Variants in GRIP1 observed in about 807,000 individuals in gnomAD.
GRIP1 encodes the protein glutamate receptor-interacting protein 1.
A neutral mutation model predicts 129.9 loss-of-function variants in GRIP1; 45 were observed. That is an observed-to-expected ratio of 0.35 (90% CI 0.27 to 0.44). GRIP1 has a LOEUF of 0.44. Among genes scored for constraint, GRIP1 ranks in the 20% least tolerant of loss-of-function variants. The pLI is 1.00. For missense variants in GRIP1, 1,196 were observed against 1,396.8 expected (o/e 0.86, Z 2.29); for synonymous variants, 530 against 520.8 (o/e 1.02, Z -0.24).
chr12:66,607,216 T>C (rs1036841121), intron 1 of GRIP1, among the ~76,000 whole-genome samples: 1 of 152,194 alleles, frequency 6.6e-6, no homozygotes, highest in Non-Finnish European at 1.5e-5. Context: ...CATCACTTCT[T>C]CATCATGAAT....
At chr12:66,448,990 G>A (rs2138155592) in intron 11 of GRIP1, among the ~76,000 whole-genome samples, 1 of 152,226 alleles carries the variant, frequency 6.6e-6, no homozygotes, top group South Asian at 2.1e-4. Context: ...CATGTGCCAT[G>A]TGCCCCAACC....
chr12:66,399,486 A>C (rs1457880239), intron 16 of GRIP1, among the ~76,000 whole-genome samples: 1 of 151,980 alleles, frequency 6.6e-6, no homozygotes, highest in Non-Finnish European at 1.5e-5. Context: ...TAAGTTTCAA[A>C]GTGAGCCTAA....
chr12:67,068,319 A>G (rs1196439125), intron 1 of GRIP1, among the ~76,000 whole-genome samples: 1 of 152,236 alleles, frequency 6.6e-6, no homozygotes, highest in African/African-American at 2.4e-5. Flanking sequence ...GGCACCAGGC[A>G]GAGAGCCGCC....
intron 1 of GRIP1, among the ~76,000 whole-genome samples, chr12:67,050,221 C>T (rs142122238): frequency 3.9e-5 from 6 of 152,060 alleles, no homozygotes; most frequent in African/African-American, 4.8e-5. Flanking sequence ...TAAATCTTCA[C>T]GCAACTTATC....
intron 1 of GRIP1, among the ~76,000 whole-genome samples, chr12:66,870,461 C>A (rs988000795): frequency 5.3e-5 from 8 of 152,214 alleles, no homozygotes; most frequent in Admixed American, 3.9e-4. Context: ...TGTTTCTCCA[C>A]AGAACATCCC....
chr12:66,636,715 C>CTGTGTGTGTGTGTGTGTG (rs113361426), intron 1 of GRIP1, among the ~76,000 whole-genome samples: 7 of 145,108 alleles, frequency 4.8e-5, no homozygotes, highest in African/African-American at 1.8e-4. Flanking sequence ...CATTAGATCT[C>CTGTGTGTGTGTGTGTGTG]TGTGTGTGTG....
chr12:66,795,114 C>T (rs1168640288), intron 1 of GRIP1, among the ~76,000 whole-genome samples: 1 of 152,180 alleles, frequency 6.6e-6, no homozygotes, highest in Non-Finnish European at 1.5e-5. Flanking sequence ...CTTCAAAATA[C>T]TTGCAGAAGT....
At chr12:66,731,639 A>C (rs1040089047) in intron 1 of GRIP1, among the ~76,000 whole-genome samples, 4 of 152,226 alleles carry the variant, frequency 2.6e-5, no homozygotes, top group Non-Finnish European at 5.9e-5. Context: ...GTCAAATACT[A>C]TGGTAGACAA....
At chr12:66,384,455 T>C (rs925477623) in intron 19 of GRIP1, among the ~76,000 whole-genome samples, 5 of 152,204 alleles carry the variant, frequency 3.3e-5, no homozygotes, top group African/African-American at 1.2e-4. Context: ...GTATGTGTAC[T>C]AAAAGGTACT....
chr12:66,648,260 T>C (rs1272098522), intron 1 of GRIP1, among the ~76,000 whole-genome samples: 1 of 152,206 alleles, frequency 6.6e-6, no homozygotes, highest in Non-Finnish European at 1.5e-5. Flanking sequence ...TGTTAAATGT[T>C]TTGAATATCA....
intron 1 of GRIP1, among the ~76,000 whole-genome samples, chr12:66,628,685 GACA>G (rs2030389383): frequency 6.6e-6 from 1 of 152,180 alleles, no homozygotes; most frequent in African/African-American, 2.4e-5. Context: ...GAGATTATGT[GACA>G]ACATCTGGAG....
At chr12:66,965,317 C>A (rs1347491662) in intron 1 of GRIP1, among the ~76,000 whole-genome samples, 3 of 152,020 alleles carry the variant, frequency 2.0e-5, no homozygotes, top group Non-Finnish European at 4.4e-5. Flanking sequence ...TACTTAAGCT[C>A]TCTGATTACT....
chr12:66,423,013 G>T (rs941739383), intron 14 of GRIP1, among the ~76,000 whole-genome samples: 1 of 152,154 alleles, frequency 6.6e-6, no homozygotes, highest in African/African-American at 2.4e-5. Context: ...AACCAAGCAT[G>T]CTTTGCTTGG....
At chr12:66,355,602 T>C (rs967843475) in intron 23 of GRIP1, among the ~76,000 whole-genome samples, 1 of 152,000 alleles carries the variant, frequency 6.6e-6, no homozygotes, top group Non-Finnish European at 1.5e-5. Context: ...TGGTGATGCT[T>C]AGGGAGAAGT....
At chr12:66,522,929 G>A (rs1188091889) in intron 5 of GRIP1, among the ~76,000 whole-genome samples, 1 of 152,170 alleles carries the variant, frequency 6.6e-6, no homozygotes, top group Non-Finnish European at 1.5e-5. Flanking sequence ...AAGAGTATCA[G>A]TGATGGAAGA....
intron 1 of GRIP1, among the ~76,000 whole-genome samples, chr12:66,669,319 C>T (rs1046491459): frequency 5.3e-5 from 8 of 152,030 alleles, no homozygotes; most frequent in East Asian, 1.9e-4. Context: ...ACCCAGGAGG[C>T]GGAGGCTGCA....
intron 1 of GRIP1, among the ~76,000 whole-genome samples, chr12:67,046,149 C>G (rs1177433585): frequency 6.6e-6 from 1 of 152,156 alleles, no homozygotes; most frequent in Non-Finnish European, 1.5e-5. Flanking sequence ...TCAGTTGACC[C>G]CCACTTCCCG....
rs2056639373 is a variant in GRIP1 at position 66,392,728 on chromosome 12, A to G, written c.2218T>C (p.Leu740=). 1.9e-6 allele frequency: 3 copies of G among 1,613,656 alleles called. No individual in the cohort carries two copies. The highest frequency in any genetic ancestry group is 2.2e-5 in the South Asian group (2 of 91,066). ...GKPLSEAIHL[L]QMAGETVTLK... is the part of the protein sequence containing the mutation. ...GTGACAGTCTCTCCTGCCATCTGTA[A>G]CAAATGGATGGCTTCACTCAGAGGC... is the stretch of plus-strand genomic sequence containing the variant. The change falls in exon 18 of 25, where the codon TTA becomes CTA. Residue 740 remains leucine, a synonymous_variant. Coordinates refer to ENST00000359742, the MANE Select transcript of GRIP1 (RefSeq NM_001366722.1).
chr12:66,756,533 T>C (rs1037303644), intron 1 of GRIP1, among the ~76,000 whole-genome samples: 7 of 152,212 alleles, frequency 4.6e-5, no homozygotes, highest in Admixed American at 6.5e-5. Context: ...TTTCATGTTA[T>C]AAGAACTCTT....
Sources: gnomAD v4.1 joint callset for allele counts (sites outside exome capture counted in the v4.1 genomes callset) on GRCh38, gnomAD v4.1.1 for gene constraint, MANE v1.5 for transcripts, NCBI Gene and HGNC (gene_info 2026-07-23, HGNC 2026-07-21) for gene names.